The following STARD13 variants were observed in gnomAD, a reference collection of about 807,000 sequenced individuals.
STARD13 encodes stAR-related lipid transfer protein 13.
Under a neutral mutation model 106.4 loss-of-function variants are expected in STARD13, and 62 were observed. That is an observed-to-expected ratio of 0.58 (90% confidence interval 0.48 to 0.72). STARD13 has a LOEUF of 0.72. Ranked by LOEUF, STARD13 falls within the 30% of genes least tolerant of loss-of-function variation. The probability of loss-of-function intolerance (pLI) is 0.00; values close to 1 mark genes in which losing one functional copy is unlikely to be tolerated. For synonymous variants in STARD13, 565 were observed against 553.0 expected (o/e 1.02, Z -0.31); for missense variants, 1,387 against 1,424.0 (o/e 0.97, Z 0.42).
In STARD13 at chr13:33,111,762, C is replaced by T. The variant is rs778961868; in HGVS notation, c.2607+16G>A. 3.3e-5 allele frequency: 52 copies of T among 1,560,390 alleles called. No homozygotes were observed. Among genetic ancestry groups the T allele is most frequent in the Middle Eastern group, 1.7e-4 (1 of 5,994 alleles). On this transcript the variant is annotated intron_variant, in intron 10 of 13. Transcript: ENST00000336934. ...AAGAGCTACTAGGGAGGCGGAGGTT[C>T]GAGCCTTTTGCTCACCTCAAAAAGT...
chr13:33,646,612 T>G, the STARD13 span, among the ~76,000 whole-genome samples: 3 of 152,100 alleles, frequency 2.0e-5, no homozygotes, highest in Non-Finnish European at 4.4e-5. Flanking sequence ...AATTTTGCTT[T>G]GCCATAGGGA....
the STARD13 span, among the ~76,000 whole-genome samples, chr13:33,675,808 C>T: frequency 6.6e-6 from 1 of 152,126 alleles, no homozygotes; most frequent in Non-Finnish European, 1.5e-5. Context: ...AAAAAGAAGA[C>T]TCAACATCTT....
the STARD13 span, among the ~76,000 whole-genome samples, chr13:33,444,382 A>G: frequency 5.3e-5 from 8 of 152,212 alleles, no homozygotes; most frequent in African/African-American, 9.6e-5. Flanking sequence ...TAGTTTTGCC[A>G]TTTATCACAG....
chr13:33,260,910 C>T (rs74762167), intron 1 of STARD13, among the ~76,000 whole-genome samples: 1 of 152,146 alleles, frequency 6.6e-6, no homozygotes, highest in Non-Finnish European at 1.5e-5. Flanking sequence ...TTCCTCTGAA[C>T]TCCTAAGCCA....
At chr13:33,533,241 T>G in the STARD13 span, among the ~76,000 whole-genome samples, 3 of 152,136 alleles carry the variant, frequency 2.0e-5, no homozygotes, top group Non-Finnish European at 4.4e-5. Context: ...ACACTGTAGG[T>G]AGCAGACTGG....
At chr13:33,617,947 G>A in the STARD13 span, among the ~76,000 whole-genome samples, 1 of 152,282 alleles carries the variant, frequency 6.6e-6, no homozygotes, top group African/African-American at 2.4e-5. Context: ...TAGAGCAGGA[G>A]GACCTCTCTG....
At chr13:33,134,713 T>C (rs1342835981) in intron 4 of STARD13, among the ~76,000 whole-genome samples, 3 of 152,218 alleles carry the variant, frequency 2.0e-5, no homozygotes, top group Admixed American at 2.0e-4. Flanking sequence ...AAACTAGTTA[T>C]TGTTGTTAGA....
upstream of STARD13, among the ~76,000 whole-genome samples, chr13:33,288,590 TA>T (rs916619339): frequency 2.7e-5 from 4 of 150,508 alleles, no homozygotes; most frequent in Admixed American, 1.3e-4. Context: ...TTTTTTTTTT[TA>T]AAAAAAGGGA....
At chr13:33,550,997 C>T in the STARD13 span, among the ~76,000 whole-genome samples, 1 of 152,160 alleles carries the variant, frequency 6.6e-6, no homozygotes, top group African/African-American at 2.4e-5. Context: ...ATAAATGCTT[C>T]CTCTTTTCTT....
the STARD13 span, among the ~76,000 whole-genome samples, chr13:33,557,550 C>T: frequency 6.6e-6 from 1 of 152,022 alleles, no homozygotes; most frequent in African/African-American, 2.4e-5. Context: ...TATTATTTGC[C>T]GTATTTCCTG....
chr13:33,251,121 C>A (rs533086657), intron 1 of STARD13, among the ~76,000 whole-genome samples: 1 of 152,176 alleles, frequency 6.6e-6, no homozygotes. Flanking sequence ...TTATTTAACT[C>A]TCTGAGGCTC....
the STARD13 span, among the ~76,000 whole-genome samples, chr13:33,444,398 A>G: frequency 1.3e-5 from 2 of 152,234 alleles, no homozygotes; most frequent in Middle Eastern, 3.2e-3. Flanking sequence ...CACAGACCAC[A>G]GATAGCATAA....
the STARD13 span, among the ~76,000 whole-genome samples, chr13:33,476,963 C>G: frequency 6.6e-6 from 1 of 152,140 alleles, no homozygotes; most frequent in Admixed American, 6.5e-5. Flanking sequence ...GAAATTAAAG[C>G]TGTTCAATCC....
At chr13:33,512,529 G>A in the STARD13 span, among the ~76,000 whole-genome samples, 2 of 151,914 alleles carry the variant, frequency 1.3e-5, no homozygotes, top group East Asian at 3.9e-4. Context: ...GTGCAGTGGC[G>A]TGATTGCGGC....
At chr13:33,587,965 T>A in the STARD13 span, among the ~76,000 whole-genome samples, 1 of 152,222 alleles carries the variant, frequency 6.6e-6, no homozygotes, top group Admixed American at 6.5e-5. Flanking sequence ...GTCTCCTTTT[T>A]TACCTTTTTA....
intron 1 of STARD13, among the ~76,000 whole-genome samples, chr13:33,197,884 T>C (rs1042037550): frequency 6.6e-6 from 1 of 152,152 alleles, no homozygotes; most frequent in Non-Finnish European, 1.5e-5. Context: ...ACAAAAGCTG[T>C]TTCAGGCCGG....
chr13:33,596,139 C>G, the STARD13 span, among the ~76,000 whole-genome samples: 12 of 152,194 alleles, frequency 7.9e-5, no homozygotes, highest in Non-Finnish European at 2.9e-5. Flanking sequence ...TTAAGGATTG[C>G]TTGTGTATGG....
intron 1 of STARD13, among the ~76,000 whole-genome samples, chr13:33,223,125 T>A (rs571349356): frequency 1.6e-3 from 241 of 152,346 alleles, no homozygotes; most frequent in African/African-American, 5.5e-3. Flanking sequence ...GTGGAAGTCA[T>A]CCAACTTGTC....
the STARD13 span, among the ~76,000 whole-genome samples, chr13:33,414,032 C>CAAAAAAAAA: frequency 1.2e-4 from 6 of 48,168 alleles, no homozygotes; most frequent in African/African-American, 4.5e-4. Context: ...GATTCCCTCT[C>CAAAAAAAAA]AAAAAAAAAA....
Sources: allele counts gnomAD v4.1 joint callset (sites outside exome capture counted in the v4.1 genomes callset), GRCh38; gene constraint gnomAD v4.1.1; transcripts MANE v1.5; gene names NCBI Gene and HGNC (gene_info 2026-07-23, HGNC 2026-07-21).